The following FAM135B variants were observed in gnomAD, a reference collection of about 807,000 sequenced individuals.
The protein encoded by FAM135B is protein FAM135B.
In FAM135B, 43 loss-of-function variants were observed where a neutral mutation model predicts 127.7. That is an observed-to-expected ratio of 0.34 (90% CI 0.26 to 0.43). FAM135B has a LOEUF of 0.43. Ranked by LOEUF, FAM135B falls within the 20% of genes least tolerant of loss-of-function variation. The probability of loss-of-function intolerance (pLI) is 1.00; values close to 1 mark genes in which losing one functional copy is unlikely to be tolerated. For missense variants in FAM135B, 1,558 were observed against 1,725.6 expected (o/e 0.90, Z 1.72); for synonymous variants, 670 against 665.1 (o/e 1.01, Z -0.11).
chr8:138,485,690 T>G (rs1237032561), intron 1 of FAM135B, among the ~76,000 whole-genome samples: 1 of 152,124 alleles, frequency 6.6e-6, no homozygotes. Flanking sequence ...GGAAAAGTAC[T>G]GCTGAAATTC....
chr8:138,137,203 G>A lies in FAM135B; in HGVS notation c.3959C>T (p.Pro1320Leu), dbSNP rs1003217373. The A allele has an allele frequency of 1.2e-6, 2 of 1,611,892 alleles. No individual in the cohort carries two copies. Residue 1320 changes from proline (P) to leucine (L), a missense_variant, in exon 19 of 20, where the codon CCA becomes CTA. Physicochemically the swap from Pro to Leu is moderately conservative, Grantham distance 98. This residue lies in a region of FAM135B where 194 missense variants were observed against 333.8 expected (regional missense o/e 0.58). Coordinates refer to ENST00000395297, the MANE Select transcript of FAM135B (RefSeq NM_015912.4). ...LVASPQDRYVPFHSARIEMCK... is the reference protein window; with the variant it reads ...LVASPQDRYVLFHSARIEMCK... Reference sequence around the variant, plus strand: ...CATTTCAATCCTGGCTGAATGAAATGGCACATAACGGTCTTGGGGAGAAGC... The same window carrying A: ...CATTTCAATCCTGGCTGAATGAAATAGCACATAACGGTCTTGGGGAGAAGC...
chr8:138,345,697 C>T (rs561968500), intron 2 of FAM135B, among the ~76,000 whole-genome samples: 140 of 152,312 alleles, frequency 9.2e-4, no homozygotes, highest in Non-Finnish European at 1.8e-3. Context: ...CAATGGACAT[C>T]CCAAAACTGA....
At chr8:138,447,123 T>C (rs1027146438) in intron 1 of FAM135B, among the ~76,000 whole-genome samples, 1 of 151,932 alleles carries the variant, frequency 6.6e-6, no homozygotes, top group Non-Finnish European at 1.5e-5. Context: ...TCACACCAGT[T>C]AGAATGGCGA....
At chr8:138,274,125 A>T (rs998540883) in intron 3 of FAM135B, among the ~76,000 whole-genome samples, 1 of 152,164 alleles carries the variant, frequency 6.6e-6, no homozygotes, top group African/African-American at 2.4e-5. Context: ...TTGTCATTAA[A>T]TTCCTCTTTT....
intron 1 of FAM135B, among the ~76,000 whole-genome samples, chr8:138,404,229 G>T (rs973951373): frequency 6.6e-6 from 1 of 151,702 alleles, no homozygotes. Flanking sequence ...AGTTATGTTC[G>T]CACTATAATG....
chr8:138,203,114 C>T (rs1301848763), intron 7 of FAM135B, among the ~76,000 whole-genome samples: 1 of 152,156 alleles, frequency 6.6e-6, no homozygotes, highest in East Asian at 1.9e-4. Context: ...CCTTTATTTC[C>T]TAACAGAGTA....
intron 9 of FAM135B, among the ~76,000 whole-genome samples, chr8:138,180,988 C>G (rs1293177835): frequency 1.3e-5 from 2 of 152,122 alleles, no homozygotes; most frequent in Admixed American, 6.5e-5. Context: ...TACCTGTAAT[C>G]CCAGAACTTT....
chr8:138,461,608 T>C (rs1564021214), intron 1 of FAM135B, among the ~76,000 whole-genome samples: 1 of 152,224 alleles, frequency 6.6e-6, no homozygotes, highest in Non-Finnish European at 1.5e-5. Flanking sequence ...TTAGCACCTG[T>C]GCAAGGTTCC....
At position 138,130,309 on chromosome 8, in the gene FAM135B, C is replaced by G. The variant is rs1816098732; in HGVS notation, c.*2284G>C. On this transcript the variant is annotated 3_prime_UTR_variant, in exon 20 of 20. Coordinates refer to ENST00000395297, the MANE Select transcript of FAM135B (RefSeq NM_015912.4). ...GGCATGACACGCAACACTCGACACT[C>G]TTATTTACAATATAGAGATGTACTT... 1 of 151,994 alleles carries G rather than the reference C, an allele frequency of 6.6e-6. No individual in the cohort carries two copies. The highest frequency in any genetic ancestry group is 1.5e-5 in the Non-Finnish European group (1 of 68,014). The allele number at this position is 151,994 out of a possible 1,614,324, so 9.4% of individuals were successfully genotyped here.
In FAM135B at chr8:138,242,744, C is replaced by T. The variant is rs1244177903; in HGVS notation, c.669+198G>A. ...TGAAGACCATATTCCCTGTATCTAT[C>T]CCAGGGCTTGGCCTTAGAAATATGT... is the stretch of plus-strand genomic sequence containing the variant. On this transcript the variant is annotated intron_variant, in intron 7 of 19. Transcript: ENST00000395297. The surrounding 1 kb of genome is among the most constrained non-coding windows in gnomAD (Gnocchi z 9.6). Among the ~76,000 whole-genome samples, 1 of 152,120 alleles carries T rather than the reference C, an allele frequency of 6.6e-6. No individual in the cohort carries two copies. The highest frequency in any genetic ancestry group is 1.5e-5 in the Non-Finnish European group (1 of 68,032).
chr8:138,425,980 T>C (rs1047953095), intron 1 of FAM135B, among the ~76,000 whole-genome samples: 3 of 12,274 alleles, frequency 2.4e-4, no homozygotes, highest in African/African-American at 1.5e-3. Flanking sequence ...TATATATATA[T>C]ATATATATAT....
rs2130660716 is a variant in FAM135B, at chr8:138,146,070, C to A, written c.3449-20G>T. 2 of 1,324,978 alleles carry A rather than the reference C, an allele frequency of 1.5e-6. No homozygotes were observed. The highest frequency in any genetic ancestry group is 1.8e-4 in the Middle Eastern group (1 of 5,490). The allele number at this position is 1,324,978 out of a possible 1,614,324, so 82.1% of individuals were successfully genotyped here. A position where few individuals can be genotyped will look rare whatever the true frequency, so the allele number is the denominator to read the frequency against. On this transcript the variant is annotated intron_variant, in intron 14 of 19. Transcript: ENST00000395297. The stretch of plus-strand genomic sequence containing the variant: ...TGTTCCCTAAAAATGACAGATAACC[C>A]CCATCCCAGTCCCGTAGTTAGTCAT...
At chr8:138,373,334 T>C (rs1831263055) in intron 1 of FAM135B, among the ~76,000 whole-genome samples, 1 of 151,784 alleles carries the variant, frequency 6.6e-6, no homozygotes, top group Non-Finnish European at 1.5e-5. Context: ...TCTCTAAACA[T>C]AAATTGTGAA....
At chr8:138,298,984 C>T (rs1025988500) in intron 3 of FAM135B, among the ~76,000 whole-genome samples, 4 of 151,394 alleles carry the variant, frequency 2.6e-5, no homozygotes, top group South Asian at 2.1e-4. Flanking sequence ...CACTTGAACC[C>T]GGGATGCGGA....
At chr8:138,272,822 T>A (rs894271618) in intron 3 of FAM135B, among the ~76,000 whole-genome samples, 1 of 152,220 alleles carries the variant, frequency 6.6e-6, no homozygotes, top group Non-Finnish European at 1.5e-5. Context: ...CAGAGTCCAG[T>A]GTATGGCGTT....
At chr8:138,206,393 C>A (rs1817608443) in intron 7 of FAM135B, among the ~76,000 whole-genome samples, 1 of 148,734 alleles carries the variant, frequency 6.7e-6, no homozygotes, top group Admixed American at 6.6e-5. Context: ...TCCCCTCCAC[C>A]TACACACAGC....
intron 1 of FAM135B, among the ~76,000 whole-genome samples, chr8:138,484,458 T>TG (rs1478228913): frequency 6.6e-6 from 1 of 152,224 alleles, no homozygotes; most frequent in Non-Finnish European, 1.5e-5. Context: ...CAAACAAATT[T>TG]GGGGATCAGC....
intron 3 of FAM135B, among the ~76,000 whole-genome samples, chr8:138,282,570 A>G (rs2130749190): frequency 6.6e-6 from 1 of 152,344 alleles, no homozygotes; most frequent in South Asian, 2.1e-4. Context: ...AAATAAGCAT[A>G]TGAAAGGTTA....
rs1384995192 is a variant in FAM135B, at chr8:138,132,474, C to T, written c.*119G>A. 1.2e-5 allele frequency: 10 copies of T among 822,050 alleles called. No individual in the cohort carries two copies. Among genetic ancestry groups the T allele is most frequent in the Non-Finnish European group, 2.0e-5 (10 of 505,196 alleles). 50.9% of individuals were successfully genotyped at this position (822,050 alleles called of 1,614,324 possible). ...CTCTCATGTCAGGTTCCACCCGAGCCTCCGTCCCCCAATGCTGTTGAAGCT... is the reference window on the plus strand; with the variant it reads ...CTCTCATGTCAGGTTCCACCCGAGCTTCCGTCCCCCAATGCTGTTGAAGCT... On this transcript the variant is annotated 3_prime_UTR_variant, in exon 20 of 20. Transcript: ENST00000395297. The surrounding 1 kb of genome is among the most constrained non-coding windows in gnomAD (Gnocchi z 4.5).
Sources: allele counts gnomAD v4.1 joint callset (sites outside exome capture counted in the v4.1 genomes callset), GRCh38; gene constraint gnomAD v4.1.1; regional missense constraint gnomAD v4.1.1; non-coding constraint Gnocchi (gnomAD v3.1); transcripts MANE v1.5; gene names NCBI Gene and HGNC (gene_info 2026-07-23, HGNC 2026-07-21).